Variants in LUZP2 observed in about 807,000 individuals in gnomAD.
The protein encoded by LUZP2 is leucine zipper protein 2.
LUZP2 carries 52 observed loss-of-function variants against 51.6 expected under a neutral mutation model. The ratio of observed to expected loss-of-function variants is 1.01; its 90% confidence interval spans 0.81 to 1.27. The LOEUF is 1.27. Ranked by LOEUF, LUZP2 falls within the 50% of genes most tolerant of loss-of-function variation. The pLI is 0.00. For missense variants in LUZP2, 436 were observed against 395.4 expected (o/e 1.10, Z -0.87); for synonymous variants, 154 against 137.3 (o/e 1.12, Z -0.85).
At chr11:24,626,157 G>A (rs1217344153) in intron 1 of LUZP2, among the ~76,000 whole-genome samples, 1 of 152,106 alleles carries the variant, frequency 6.6e-6, no homozygotes, top group Non-Finnish European at 1.5e-5. Context: ...GAATACTGGT[G>A]ATTCATCAAC....
rs1010657767 is a variant in LUZP2 at position 24,700,176 on chromosome 11, C to T, written c.63-28993C>T. ...TCCCAGATTCAAGCAAGTCTCTTGCCTCAGCCTCCCCAGTAGCTGGGATTA... is the reference window on the plus strand; with the variant it reads ...TCCCAGATTCAAGCAAGTCTCTTGCTTCAGCCTCCCCAGTAGCTGGGATTA... On this transcript the variant is annotated intron_variant, in intron 1 of 11. Coordinates refer to ENST00000336930, the MANE Select transcript of LUZP2 (RefSeq NM_001009909.4). 6.6e-5 allele frequency among the ~76,000 whole-genome samples: 10 copies of T among 151,562 alleles called. No homozygotes were observed. In the East Asian group the frequency reaches 1.4e-3, roughly 21 times the overall value.
intron 9 of LUZP2, among the ~76,000 whole-genome samples, chr11:25,024,636 C>G (rs1218655800): frequency 2.6e-5 from 4 of 151,672 alleles, no homozygotes; most frequent in Admixed American, 6.6e-5. Flanking sequence ...CACTGCTCAA[C>G]GAAATAAGAG....
intron 4 of LUZP2, among the ~76,000 whole-genome samples, chr11:24,739,368 A>C (rs1192128603): frequency 6.6e-6 from 1 of 151,994 alleles, no homozygotes; most frequent in East Asian, 1.9e-4. Context: ...AGATAATAAA[A>C]GGGGGGCAGT....
At chr11:24,777,636 T>A (rs1381220508) in intron 5 of LUZP2, among the ~76,000 whole-genome samples, 2 of 152,210 alleles carry the variant, frequency 1.3e-5, no homozygotes, top group African/African-American at 2.4e-5. Flanking sequence ...TTAACTTCTA[T>A]ATAAAATTTA....
chr11:24,837,015 A>G (rs1051623129), intron 5 of LUZP2, among the ~76,000 whole-genome samples: 6 of 151,432 alleles, frequency 4.0e-5, no homozygotes, highest in Non-Finnish European at 5.9e-5. Flanking sequence ...GTAGGTAATA[A>G]CAAAAACACA....
intron 1 of LUZP2, among the ~76,000 whole-genome samples, chr11:24,522,383 G>T (rs552463157): frequency 2.0e-4 from 30 of 151,678 alleles, no homozygotes; most frequent in African/African-American, 7.3e-4. Flanking sequence ...CTTGAAAGAA[G>T]CAAAATCTGT....
intron 7 of LUZP2, among the ~76,000 whole-genome samples, chr11:24,940,927 A>C (rs1022879972): frequency 6.6e-6 from 1 of 152,168 alleles, no homozygotes; most frequent in Non-Finnish European, 1.5e-5. Context: ...GTTGCCTTCA[A>C]CTTCTCTTTC....
At chr11:24,623,898 TAA>T (rs1370889549) in intron 1 of LUZP2, among the ~76,000 whole-genome samples, 35 of 152,292 alleles carry the variant, frequency 2.3e-4, no homozygotes, top group African/African-American at 7.7e-4. Context: ...AACTACTTGT[TAA>T]ACATTTGCTG....
intron 1 of LUZP2, among the ~76,000 whole-genome samples, chr11:24,597,305 A>T (rs1411874281): frequency 5.9e-5 from 9 of 152,228 alleles, no homozygotes. Context: ...TATTCAATGC[A>T]TACAGGAATC....
chr11:24,603,255 G>A (rs570551703), intron 1 of LUZP2, among the ~76,000 whole-genome samples: 8 of 151,692 alleles, frequency 5.3e-5, no homozygotes, highest in African/African-American at 9.7e-5. Flanking sequence ...CCATCCTGCC[G>A]TTGCATCTGA....
At chr11:24,564,953 A>G (rs966399567) in intron 1 of LUZP2, among the ~76,000 whole-genome samples, 2 of 152,152 alleles carry the variant, frequency 1.3e-5, no homozygotes, top group African/African-American at 2.4e-5. Flanking sequence ...CCCTGGAAAA[A>G]CTGTACTAAA....
At chr11:24,689,167 A>G (rs1856989028) in intron 1 of LUZP2, among the ~76,000 whole-genome samples, 1 of 152,176 alleles carries the variant, frequency 6.6e-6, no homozygotes, top group Non-Finnish European at 1.5e-5. Flanking sequence ...GAGAGATCCA[A>G]GTCCTGTCCA....
chr11:24,510,149 T>C (rs1258294208), intron 1 of LUZP2, among the ~76,000 whole-genome samples: 3 of 152,172 alleles, frequency 2.0e-5, no homozygotes, highest in Non-Finnish European at 2.9e-5. Context: ...CAAAGTTGCT[T>C]TGGAACCTTG....
intron 1 of LUZP2, among the ~76,000 whole-genome samples, chr11:24,594,157 A>C (rs1853350652): frequency 6.6e-6 from 1 of 152,228 alleles, no homozygotes; most frequent in Non-Finnish European, 1.5e-5. Context: ...TGTGGTTGAA[A>C]GTGAAAAATT....
At chr11:24,879,965 T>A (rs1852407316) in intron 5 of LUZP2, among the ~76,000 whole-genome samples, 1 of 152,176 alleles carries the variant, frequency 6.6e-6, no homozygotes, top group Non-Finnish European at 1.5e-5. Context: ...CCAGCTGGTG[T>A]CTCAGTATGT....
At chr11:25,077,502 A>C in intron 11 of LUZP2, 96 bp downstream of exon 11, 1 of 462,796 alleles carries the variant, frequency 2.2e-6, no homozygotes. Flanking sequence ...TTTATTTTTT[A>C]TTTATTTATT....
chr11:25,020,552 T>C (rs1354206008), intron 9 of LUZP2, among the ~76,000 whole-genome samples: 1 of 152,118 alleles, frequency 6.6e-6, no homozygotes, highest in Admixed American at 6.6e-5. Flanking sequence ...AGTCACATCT[T>C]TCTGTTGTCA....
intron 7 of LUZP2, among the ~76,000 whole-genome samples, chr11:24,930,188 A>G (rs927738674): frequency 6.6e-6 from 1 of 152,304 alleles, no homozygotes; most frequent in Middle Eastern, 3.4e-3. Context: ...GCATTCTGCC[A>G]TTCTATGCCT....
At chr11:24,779,305 A>T (rs907325206) in intron 5 of LUZP2, among the ~76,000 whole-genome samples, 1 of 152,206 alleles carries the variant, frequency 6.6e-6, no homozygotes, top group South Asian at 2.1e-4. Context: ...AGACATAAGA[A>T]AATGCCAGTG....
Sources: allele counts gnomAD v4.1 joint callset (sites outside exome capture counted in the v4.1 genomes callset), GRCh38; gene constraint gnomAD v4.1.1; transcripts MANE v1.5; gene names NCBI Gene and HGNC (gene_info 2026-07-23, HGNC 2026-07-21).